Variants in RBCK1 observed in about 807,000 individuals in gnomAD.
The protein encoded by RBCK1 is ranBP-type and C3HC4-type zinc finger-containing protein 1.
A neutral mutation model predicts 71.1 loss-of-function variants in RBCK1; 44 were observed. The observed-to-expected ratio is 0.62, with a 90% confidence interval of 0.49 to 0.80. RBCK1 has a LOEUF of 0.80. Among genes scored for constraint, RBCK1 ranks in the 30% least tolerant of loss-of-function variants. The pLI, the probability that RBCK1 is intolerant of heterozygous loss-of-function variation, is 0.00. For synonymous variants in RBCK1, 306 were observed against 279.7 expected (o/e 1.09, Z -0.94); for missense variants, 569 against 685.0 (o/e 0.83, Z 1.89).
chr20:425,638 T>C (rs1184642629), intron 8 of RBCK1, among the ~76,000 whole-genome samples: 1 of 150,904 alleles, frequency 6.6e-6, no homozygotes, highest in Non-Finnish European at 1.5e-5. Flanking sequence ...TTTTTTTTTT[T>C]TTTTTTGAGA....
At position 419,796 on chromosome 20, in the gene RBCK1, GAGA is replaced by G. The variant is rs947128814; in HGVS notation, c.756+66_756+68del. 19 of 1,495,176 alleles carry G rather than the reference GAGA, an allele frequency of 1.3e-5. No individual in the cohort carries two copies. The African/African-American group carries it at 2.5e-4, about 20-fold the overall frequency. 92.6% of individuals were successfully genotyped at this position (1,495,176 alleles called of 1,614,324 possible). On this transcript the variant is annotated intron_variant, in intron 6 of 11. Transcript: ENST00000356286. ...ACGGGGGAGGTGTAGGCCAGGAAGG[GAGA>G]CACCTGCGCACTGCCGCGCCTCTCC...
intron 6 of RBCK1, chr20:420,620 C>T: frequency 2.1e-6 from 2 of 973,504 alleles, no homozygotes; most frequent in Non-Finnish European, 2.4e-6. Context: ...CCCACCTCCA[C>T]CTGGCCTCAC....
At chr20:420,798 G>A in intron 6 of RBCK1, 73 bp from the exon 7 acceptor site, 1 of 1,383,776 alleles carries the variant, frequency 7.2e-7, no homozygotes, top group Non-Finnish European at 9.6e-7. Context: ...ACGCCCCCTG[G>A]CCCTTCCCCC....
Position 419,414 on chromosome 20 carries a change from G to A in RBCK1, c.528G>A (p.Gly176=), listed in dbSNP as rs143101005. 1.2e-6 allele frequency: 2 copies of A among 1,610,620 alleles called. No homozygotes were observed. Among genetic ancestry groups the A allele is most frequent in the Non-Finnish European group, 1.7e-6 (2 of 1,178,836 alleles). ...TGGAGCCAGGCCCCCCAAAGCCCGG[G>A]GTCCCCCAGGAACCCGGACGGGGGC... ...GPLEPGPPKP[G]VPQEPGRGQP... is the part of the protein sequence containing the mutation. Residue 176 remains glycine, a synonymous_variant, in exon 5 of 12, where the codon GGG becomes GGA. Coordinates refer to ENST00000356286, the MANE Select transcript of RBCK1 (RefSeq NM_031229.4).
intron 4 of RBCK1, among the ~76,000 whole-genome samples, chr20:418,640 T>C (rs550458134): frequency 1.5e-4 from 23 of 152,340 alleles, no homozygotes; most frequent in African/African-American, 5.5e-4. Flanking sequence ...AGTGCTGGGA[T>C]TACAGGCGTG....
Position 420,975 on chromosome 20 carries a change from G to A in RBCK1, c.861G>A (p.Ser287=), listed in dbSNP as rs1053428615. The part of the protein sequence containing the change: ...TEPAECPVCY[S]VLAPGEAVVL... ...CCGCCGAGTGCCCCGTGTGCTACTC[G>A]GTGCTGGCGCCCGGCGAGGCCGTGG... Residue 287 remains serine (S), a synonymous_variant, in exon 7 of 12, where the codon TCG becomes TCA. Coordinates refer to ENST00000356286, the MANE Select transcript of RBCK1 (RefSeq NM_031229.4). 56 of 1,562,614 alleles carry A rather than the reference G, an allele frequency of 3.6e-5. No homozygotes were observed. The highest frequency in any genetic ancestry group is 4.6e-5 in the Non-Finnish European group (53 of 1,154,786).
In RBCK1 at chr20:417,614, G is replaced by C. The variant is rs759833242; in HGVS notation, c.256G>C (p.Asp86His). The change falls in exon 3 of 12, where the codon GAC becomes CAC. Residue 86 changes from aspartate (D) to histidine (H), a missense_variant. By Grantham distance (81) the Asp-to-His change is moderately conservative. Coordinates refer to ENST00000356286, the MANE Select transcript of RBCK1 (RefSeq NM_031229.4). This position sits in a 1 kb window ranked among gnomAD's most constrained non-coding sequence, Gnocchi z 4.7. ...TGATATGACAGTGGCGTCTCTCAAG[G>C]ACATGGTGAGTGAGGAGGCGGAGGG... ...RPDMTVASLK[D>H]MVFLDYGFPP... 4.3e-6 allele frequency: 7 copies of C among 1,613,404 alleles called. No homozygotes were observed. In the Admixed American group the frequency reaches 1.2e-4, roughly 27 times the overall value.
intron 2 of RBCK1, among the ~76,000 whole-genome samples, chr20:412,562 C>T (rs569558323): frequency 1.3e-5 from 2 of 152,288 alleles, no homozygotes; most frequent in Non-Finnish European, 2.9e-5. Context: ...AGGTGATCCA[C>T]CCACCTTGGC....
rs1157563303 is a variant in RBCK1 at position 419,766 on chromosome 20, A to C, written c.756+35A>C. On this transcript the variant is annotated intron_variant, in intron 6 of 11. Transcript: ENST00000356286. ...AAAGTCCCTGGACAGACACCTGCAG[A>C]CCGCACGGGGGAGGTGTAGGCCAGG... 26 of 1,527,874 alleles carry C rather than the reference A, an allele frequency of 1.7e-5. 1 individual carries two copies. The highest frequency in any genetic ancestry group is 2.2e-5 in the Non-Finnish European group (25 of 1,138,980). The allele number at this position is 1,527,874 out of a possible 1,614,324, so 94.6% of individuals were successfully genotyped here.
chr20:420,621 C>T (rs2016334047), intron 6 of RBCK1: 1 of 972,680 alleles, frequency 1.0e-6, no homozygotes, highest in Non-Finnish European at 1.2e-6. Flanking sequence ...CCACCTCCAC[C>T]TGGCCTCACT....
chr20:419,474 C>T lies in RBCK1; in HGVS notation c.582+6C>T. ...CAGTGCCTGAGCCCCCACCGGTAAGCTGTCCTTGGCCTCAGTATCCTCTTC... is the reference window on the plus strand; with the variant it reads ...CAGTGCCTGAGCCCCCACCGGTAAGTTGTCCTTGGCCTCAGTATCCTCTTC... On this transcript the variant is annotated splice_donor_region_variant and intron_variant, in intron 5 of 11. Coordinates refer to ENST00000356286, the MANE Select transcript of RBCK1 (RefSeq NM_031229.4). The T allele has an allele frequency of 1.9e-6, 3 of 1,605,084 alleles. No homozygotes were observed. Among genetic ancestry groups the T allele is most frequent in the Non-Finnish European group, 1.7e-6 (2 of 1,175,854 alleles).
chr20:419,609 GGCTGTGA>G lies in RBCK1; in HGVS notation c.636_642del (p.Glu214AlafsTer60). 1 of 1,598,980 alleles carries G rather than the reference GGCTGTGA, an allele frequency of 6.3e-7. No individual in the cohort carries two copies. On this transcript the variant is annotated frameshift_variant, in exon 6 of 12. Transcript: ENST00000356286. LOFTEE classifies it high-confidence loss of function. ...CTTCATCAACAAGCCCACGCGGCCT[GGCTGTGA>G]GATGTGCTGCCGGGCGCGCCCCGAG...
intron 2 of RBCK1, among the ~76,000 whole-genome samples, chr20:413,098 G>C (rs572613033): frequency 1.3e-5 from 2 of 152,254 alleles, no homozygotes; most frequent in African/African-American, 2.4e-5. Context: ...CCATAAATGT[G>C]AGTGCTTATT....
In RBCK1 at chr20:430,510, C is replaced by T. The variant is rs904203598; in HGVS notation, c.*80C>T. On this transcript the variant is annotated 3_prime_UTR_variant, in exon 12 of 12. Coordinates refer to ENST00000356286, the MANE Select transcript of RBCK1 (RefSeq NM_031229.4). This position sits in a 1 kb window ranked among gnomAD's most constrained non-coding sequence, Gnocchi z 5.6. ...AATGTAGCTCAGGGAGCTTCGTGGACGGCCTTGCTTGCTGTAGCGTTGTAG... is the reference window on the plus strand; with the variant it reads ...AATGTAGCTCAGGGAGCTTCGTGGATGGCCTTGCTTGCTGTAGCGTTGTAG... 57 of 1,436,588 alleles carry T rather than the reference C, an allele frequency of 4.0e-5. No individual in the cohort carries two copies. Among genetic ancestry groups the T allele is most frequent in the Admixed American group, 2.4e-4 (14 of 58,746 alleles). 89.0% of individuals were successfully genotyped at this position (1,436,588 alleles called of 1,614,324 possible).
At chr20:427,238 GA>G in intron 8 of RBCK1, 74 bp from the exon 9 acceptor site, 2 of 1,461,622 alleles carry the variant, frequency 1.4e-6, no homozygotes. Flanking sequence ...GGGCTTTCTG[GA>G]GGGTATTTAG....
At chr20:426,678 C>T (rs2016730890) in intron 8 of RBCK1, among the ~76,000 whole-genome samples, 6 of 152,040 alleles carry the variant, frequency 3.9e-5, no homozygotes, top group Admixed American at 2.0e-4. Flanking sequence ...TAACATTTAC[C>T]ATTTTAACCA....
Position 419,476 on chromosome 20 carries a change from G to A in RBCK1, c.582+8G>A, listed in dbSNP as rs763194893. 8.7e-6 allele frequency: 14 copies of A among 1,605,226 alleles called. No homozygotes were observed. The South Asian group carries it at 1.3e-4, about 15-fold the overall frequency. On this transcript the variant is annotated splice_region_variant and intron_variant, in intron 5 of 11. Coordinates refer to ENST00000356286, the MANE Select transcript of RBCK1 (RefSeq NM_031229.4). ...GTGCCTGAGCCCCCACCGGTAAGCT[G>A]TCCTTGGCCTCAGTATCCTCTTCTG...
intron 9 of RBCK1, 38 bp downstream of exon 9, chr20:427,530 C>A: frequency 1.2e-6 from 2 of 1,606,562 alleles, no homozygotes; most frequent in South Asian, 1.1e-5. Flanking sequence ...TAGTCACTGT[C>A]ATCTTGCCTG....
chr20:426,464 T>G (rs6051943), intron 8 of RBCK1, among the ~76,000 whole-genome samples: 6,495 of 152,318 alleles, frequency 0.043, 157 homozygotes, highest in South Asian at 0.07. Flanking sequence ...TTTGTTTGTC[T>G]GTGCCTGGCT....
Sources: allele counts gnomAD v4.1 joint callset (sites outside exome capture counted in the v4.1 genomes callset), GRCh38; gene constraint gnomAD v4.1.1; non-coding constraint Gnocchi (gnomAD v3.1); transcripts MANE v1.5; gene names NCBI Gene and HGNC (gene_info 2026-07-23, HGNC 2026-07-21).